Variants in CSMD1 observed in about 807,000 individuals in gnomAD.
CSMD1 encodes the protein CUB and sushi domain-containing protein 1.
Under a neutral mutation model 417.5 loss-of-function variants are expected in CSMD1, and 213 were observed. That is an observed-to-expected ratio of 0.51 (90% CI 0.46 to 0.57). The LOEUF is 0.57. Ranked by LOEUF, CSMD1 falls within the 20% of genes least tolerant of loss-of-function variation. CSMD1 has a pLI of 0.00. For synonymous variants in CSMD1, 2,862 were observed against 1,736.8 expected, an observed-to-expected ratio of 1.65 and a Z score of -16.11; for missense variants, 6,923 against 4,529.7, an observed-to-expected ratio of 1.53 and a Z score of -15.17.
chr8:4,094,355 T>C (rs1175171724), intron 3 of CSMD1, among the ~76,000 whole-genome samples: 1 of 151,996 alleles, frequency 6.6e-6, no homozygotes, highest in Non-Finnish European at 1.5e-5. Context: ...GCTGGACTCA[T>C]GGGTAACAGA....
intron 2 of CSMD1, among the ~76,000 whole-genome samples, chr8:4,470,168 C>A (rs1341814159): frequency 5.3e-5 from 8 of 152,028 alleles, no homozygotes; most frequent in Non-Finnish European, 2.9e-5. Context: ...GTTTTCATAA[C>A]CTCATCTATT....
intron 3 of CSMD1, among the ~76,000 whole-genome samples, chr8:4,072,243 T>G (rs1799596643): frequency 6.6e-6 from 1 of 152,236 alleles, no homozygotes; most frequent in Non-Finnish European, 1.5e-5. Flanking sequence ...GAAGAAGGGT[T>G]GAATCCCATA....
At chr8:4,391,577 G>C (rs546324470) in intron 3 of CSMD1, among the ~76,000 whole-genome samples, 5 of 151,976 alleles carry the variant, frequency 3.3e-5, no homozygotes, top group Non-Finnish European at 7.4e-5. Flanking sequence ...GTGACTTTCA[G>C]CTACCCTATT....
intron 8 of CSMD1, among the ~76,000 whole-genome samples, chr8:3,598,639 C>T (rs527541975): frequency 6.6e-6 from 1 of 152,256 alleles, no homozygotes; most frequent in East Asian, 1.9e-4. Context: ...TTCCTGAGGG[C>T]TTGCTCATTT....
intron 4 of CSMD1, among the ~76,000 whole-genome samples, chr8:4,019,423 C>G (rs1400586668): frequency 1.3e-5 from 2 of 152,000 alleles, no homozygotes; most frequent in Non-Finnish European, 2.9e-5. Context: ...TCCCTATCTT[C>G]ATGTACCTAA....
At chr8:3,590,356 C>T (rs1406158691) in intron 8 of CSMD1, among the ~76,000 whole-genome samples, 1 of 151,962 alleles carries the variant, frequency 6.6e-6, no homozygotes, top group African/African-American at 2.4e-5. Flanking sequence ...TCTATTAGAC[C>T]GTTCCTTTCT....
intron 3 of CSMD1, among the ~76,000 whole-genome samples, chr8:4,154,270 AAAAT>A (rs139860935): frequency 0.23 from 34,585 of 151,962 alleles, 4,810 homozygotes; most frequent in East Asian, 0.4. Context: ...GTAATGCTAA[AAAAT>A]AAATAAATAA....
At chr8:4,790,396 C>T (rs1049627234) in intron 1 of CSMD1, among the ~76,000 whole-genome samples, 1 of 152,088 alleles carries the variant, frequency 6.6e-6, no homozygotes, top group African/African-American at 2.4e-5. Flanking sequence ...AAATAAATAG[C>T]CATACTTCCC....
At chr8:3,335,505 C>A (rs1270567317) in intron 23 of CSMD1, among the ~76,000 whole-genome samples, 5 of 152,120 alleles carry the variant, frequency 3.3e-5, no homozygotes, top group African/African-American at 4.8e-5. Flanking sequence ...TAGAGAAACT[C>A]CGTCTCTACT....
chr8:4,158,633 G>A (rs769107069), intron 3 of CSMD1, among the ~76,000 whole-genome samples: 11 of 152,020 alleles, frequency 7.2e-5, no homozygotes, highest in Non-Finnish European at 1.5e-4. Flanking sequence ...TTTCACAGTG[G>A]CGTTGCTGGT....
chr8:4,812,289 T>A (rs770748109), intron 1 of CSMD1, among the ~76,000 whole-genome samples: 4 of 151,666 alleles, frequency 2.6e-5, no homozygotes, highest in Non-Finnish European at 4.4e-5. Context: ...GAGGTGGGGG[T>A]TTTTCTCCCA....
intron 5 of CSMD1, among the ~76,000 whole-genome samples, chr8:3,973,874 G>A (rs746519675): frequency 6.6e-6 from 1 of 152,124 alleles, no homozygotes; most frequent in Non-Finnish European, 1.5e-5. Context: ...GGTAACTATG[G>A]TAGATGAATA....
intron 16 of CSMD1, among the ~76,000 whole-genome samples, chr8:3,396,710 CAAAT>C (rs912559991): frequency 1.3e-5 from 2 of 151,938 alleles, no homozygotes; most frequent in Admixed American, 6.6e-5. Context: ...GATAGATAGA[CAAAT>C]AGATTATTCC....
chr8:3,737,525 T>C (rs1796585242), intron 6 of CSMD1, among the ~76,000 whole-genome samples: 1 of 152,254 alleles, frequency 6.6e-6, no homozygotes, highest in Non-Finnish European at 1.5e-5. Flanking sequence ...CTTACACTGT[T>C]ACTGGTTTCT....
At chr8:3,134,081 A>G (rs1563073982) in intron 41 of CSMD1, among the ~76,000 whole-genome samples, 1 of 152,152 alleles carries the variant, frequency 6.6e-6, no homozygotes, top group Non-Finnish European at 1.5e-5. Context: ...AGGAGGCAGG[A>G]GAATCACTTG....
chr8:3,739,654 T>A (rs892001541), intron 6 of CSMD1, among the ~76,000 whole-genome samples: 1 of 152,168 alleles, frequency 6.6e-6, no homozygotes, highest in Non-Finnish European at 1.5e-5. Flanking sequence ...CATAGGGAAA[T>A]CTGTTAATGT....
chr8:3,331,047 G>C (rs995834682), intron 23 of CSMD1, among the ~76,000 whole-genome samples: 2 of 151,904 alleles, frequency 1.3e-5, no homozygotes, highest in Non-Finnish European at 2.9e-5. Context: ...TCAGGATATC[G>C]AGACCACAGT....
At chr8:4,223,616 G>T (rs547993009) in intron 3 of CSMD1, among the ~76,000 whole-genome samples, 10 of 152,360 alleles carry the variant, frequency 6.6e-5, no homozygotes, top group African/African-American at 2.2e-4. Context: ...CCATGGGAAA[G>T]AATAGATTAG....
chr8:4,743,854 C>G (rs1218610354), intron 1 of CSMD1, among the ~76,000 whole-genome samples: 1 of 152,198 alleles, frequency 6.6e-6, no homozygotes, highest in Non-Finnish European at 1.5e-5. Context: ...GTCCACTTTT[C>G]TCTGTCCGTT....
Sources: allele counts gnomAD v4.1 joint callset (sites outside exome capture counted in the v4.1 genomes callset), GRCh38; gene constraint gnomAD v4.1.1; transcripts MANE v1.5; gene names NCBI Gene and HGNC (gene_info 2026-07-23, HGNC 2026-07-21).